PDE4D: variants seen among roughly 807,000 people sequenced by gnomAD.
The protein encoded by PDE4D is phosphodiesterase 4D.
In PDE4D, 24 loss-of-function variants were observed where a neutral mutation model predicts 87.4. That is an observed-to-expected ratio of 0.27 (90% confidence interval 0.20 to 0.39). PDE4D has a LOEUF of 0.39. PDE4D is among the 10% of genes least tolerant of loss of function. PDE4D has a pLI of 1.00. For missense variants in PDE4D, 714 were observed against 1,041.0 expected (o/e 0.69, Z 4.32); for synonymous variants, 384 against 383.2 (o/e 1.00, Z -0.02).
At chr5:59,135,950 C>T (rs540190048) in intron 5 of PDE4D, among the ~76,000 whole-genome samples, 5 of 149,690 alleles carry the variant, frequency 3.3e-5, no homozygotes, top group African/African-American at 1.2e-4. Flanking sequence ...GAAAAACAAG[C>T]ATAAAAGATA....
chr5:60,131,977 T>C lies in PDE4D; in HGVS notation c.42+53580A>G, dbSNP rs754368999. On this transcript the variant is annotated intron_variant, in intron 2 of 16. Transcript: ENST00000502484. ...AATTGACTTTGTTTTGCTTCAGTAA[T>C]CAACACCACTCACTCATATTTCATC... Among the ~76,000 whole-genome samples, 102 of 152,346 alleles carry C rather than the reference T, an allele frequency of 6.7e-4. 2 individuals carry two copies. Among genetic ancestry groups the C allele is most frequent in the Non-Finnish European group, 2.6e-4 (18 of 68,020 alleles).
At chr5:60,337,999 T>A (rs957221950) in intron 1 of PDE4D, among the ~76,000 whole-genome samples, 1 of 152,162 alleles carries the variant, frequency 6.6e-6, no homozygotes, top group African/African-American at 2.4e-5. Context: ...TACAGAGGAA[T>A]AGTAAACAGT....
At chr5:59,393,773 C>T (rs1788717711) in intron 1 of PDE4D, among the ~76,000 whole-genome samples, 1 of 152,226 alleles carries the variant, frequency 6.6e-6, no homozygotes, top group Admixed American at 6.5e-5. Context: ...CATCTTCAAT[C>T]AAGGGCAGGT....
intron 1 of PDE4D, among the ~76,000 whole-genome samples, chr5:59,618,518 T>G (rs776228288): frequency 6.6e-6 from 1 of 152,118 alleles, no homozygotes; most frequent in Non-Finnish European, 1.5e-5. Context: ...GCCTCTATTC[T>G]GAAAGCAACA....
chr5:59,287,691 C>G (rs1056537394), intron 1 of PDE4D, among the ~76,000 whole-genome samples: 2 of 151,456 alleles, frequency 1.3e-5, no homozygotes, highest in Non-Finnish European at 2.9e-5. Flanking sequence ...TTACCCCTCC[C>G]CCAGATCCAG....
At chr5:59,282,621 C>A (rs1301245776) in intron 1 of PDE4D, among the ~76,000 whole-genome samples, 7 of 114,100 alleles carry the variant, frequency 6.1e-5, no homozygotes, top group Non-Finnish European at 1.1e-4. Context: ...CCAACCTGGG[C>A]GACAAGAGTG....
At chr5:59,957,612 A>G (rs918171240) in intron 3 of PDE4D, among the ~76,000 whole-genome samples, 6 of 152,086 alleles carry the variant, frequency 3.9e-5, no homozygotes, top group African/African-American at 1.4e-4. Context: ...TTTCATAATA[A>G]TTATAATTAT....
chr5:60,007,448 T>C (rs1466427171), intron 2 of PDE4D, among the ~76,000 whole-genome samples: 3 of 152,002 alleles, frequency 2.0e-5, no homozygotes, highest in East Asian at 1.9e-4. Flanking sequence ...ATATAAGATA[T>C]AGTTAAATAT....
rs1561663489 is a variant in PDE4D, at chr5:59,189,248, TTTTTG to T, written c.685-3991_685-3987del. On this transcript the variant is annotated intron_variant, in intron 3 of 14. Coordinates refer to ENST00000340635, the MANE Select transcript of PDE4D (RefSeq NM_001104631.2). ...TCCTACCCCGTTTTTTTTTTTGTTT[TTTTTG>T]TTTTTTTTTTTTTGAGACGGAGTTT... is the stretch of plus-strand genomic sequence containing the variant. 7.0e-4 allele frequency among the ~76,000 whole-genome samples: 73 copies of T among 103,630 alleles called. 2 individuals are homozygous for T. The highest frequency in any genetic ancestry group is 2.2e-3 in the African/African-American group (53 of 23,690). 68.0% of individuals were successfully genotyped at this position (103,630 alleles called of 152,430 possible). A position where few individuals can be genotyped will look rare whatever the true frequency, so the allele number is the denominator to read the frequency against.
At chr5:59,759,301 T>C (rs758982579) in intron 1 of PDE4D, among the ~76,000 whole-genome samples, 1 of 149,774 alleles carries the variant, frequency 6.7e-6, no homozygotes, top group Non-Finnish European at 1.5e-5. Context: ...GTTTTTATTT[T>C]CTTCTTATCA....
intron 3 of PDE4D, among the ~76,000 whole-genome samples, chr5:59,928,815 C>T (rs1490619220): frequency 2.0e-5 from 3 of 146,462 alleles, no homozygotes; most frequent in African/African-American, 8.1e-5. Flanking sequence ...CCTTAAAATG[C>T]TCCATTTCTA....
chr5:60,459,052 T>C (rs975722492), intron 1 of PDE4D, among the ~76,000 whole-genome samples: 1 of 152,038 alleles, frequency 6.6e-6, no homozygotes, highest in Non-Finnish European at 1.5e-5. Flanking sequence ...ACAAAGCAAC[T>C]TGTACTTTTC....
intron 1 of PDE4D, among the ~76,000 whole-genome samples, chr5:59,304,368 C>T (rs4699941): frequency 0.37 from 55,645 of 151,840 alleles, 10,426 homozygotes; most frequent in Admixed American, 0.47. Flanking sequence ...TCCTCTTTAC[C>T]GATTTGGATG....
At chr5:59,206,805 G>A (rs1302640020) in intron 2 of PDE4D, among the ~76,000 whole-genome samples, 2 of 152,094 alleles carry the variant, frequency 1.3e-5, no homozygotes, top group Admixed American at 6.5e-5. Context: ...TTTAGAATGT[G>A]GTGGAAAACA....
intron 1 of PDE4D, among the ~76,000 whole-genome samples, chr5:59,790,737 T>G (rs1048510353): frequency 6.6e-6 from 1 of 152,220 alleles, no homozygotes; most frequent in East Asian, 1.9e-4. Context: ...GTCTTCCTTC[T>G]TTATTGTTTC....
At chr5:59,817,225 C>A (rs555792103) in intron 1 of PDE4D, among the ~76,000 whole-genome samples, 1 of 152,300 alleles carries the variant, frequency 6.6e-6, no homozygotes, top group South Asian at 2.1e-4. Flanking sequence ...TGAGATGGTT[C>A]TCCCTCTCCC....
At chr5:59,010,284 G>A (rs910500745) in intron 6 of PDE4D, among the ~76,000 whole-genome samples, 1 of 152,064 alleles carries the variant, frequency 6.6e-6, no homozygotes, top group Admixed American at 6.5e-5. Flanking sequence ...CTGAGATCGC[G>A]CCACTGCACT....
At chr5:60,334,988 T>C (rs2149878836) in intron 1 of PDE4D, 1 of 152,278 alleles carries the variant, frequency 6.6e-6, no homozygotes, top group East Asian at 1.9e-4. Flanking sequence ...GTCTCCTATA[T>C]ATAGCAAAAT....
intron 1 of PDE4D, among the ~76,000 whole-genome samples, chr5:60,515,781 C>T (rs140509007): frequency 6.6e-6 from 1 of 152,094 alleles, no homozygotes; most frequent in East Asian, 1.9e-4. Flanking sequence ...TATGTGTTTA[C>T]TGGGTTACAA....
Sources: allele counts gnomAD v4.1 joint callset (sites outside exome capture counted in the v4.1 genomes callset), GRCh38; gene constraint gnomAD v4.1.1; transcripts MANE v1.5; gene names NCBI Gene and HGNC (gene_info 2026-07-23, HGNC 2026-07-21).